The following CELA2A variants were observed in gnomAD, a reference collection of about 807,000 sequenced individuals.
The protein encoded by CELA2A is chymotrypsin like elastase 2A, also known as chymotrypsin-like elastase family member 2A.
A neutral mutation model predicts 35.3 loss-of-function variants in CELA2A; 31 were observed. The ratio of observed to expected loss-of-function variants is 0.88; its 90% CI spans 0.66 to 1.19. CELA2A has a LOEUF of 1.19. Among genes scored for constraint, CELA2A ranks in the 50% most tolerant of loss-of-function variants. The pLI is 0.00. For synonymous variants in CELA2A, 150 were observed against 149.8 expected (o/e 1.00, Z -0.01); for missense variants, 330 against 352.9 (o/e 0.94, Z 0.52).
At chr1:15,459,104 C>T (rs1708398382) in intron 2 of CELA2A, among the ~76,000 whole-genome samples, 1 of 151,680 alleles carries the variant, frequency 6.6e-6, no homozygotes, top group African/African-American at 2.4e-5. Flanking sequence ...CATCTACCTG[C>T]CTCAGCCTCC....
At chr1:15,470,533 C>A (rs1452894653) in intron 7 of CELA2A, among the ~76,000 whole-genome samples, 1 of 151,942 alleles carries the variant, frequency 6.6e-6, no homozygotes, top group Non-Finnish European at 1.5e-5. Context: ...AGTAAGAAGT[C>A]CCCCCTCATT....
At chr1:15,466,210 C>A in intron 6 of CELA2A, 66 bp downstream of exon 6, 1 of 1,531,868 alleles carries the variant, frequency 6.5e-7, no homozygotes. Context: ...CTATAGAGGT[C>A]CATCCCTCCA....
At chr1:15,457,229 C>T in intron 2 of CELA2A, 55 bp downstream of exon 2, 4 of 1,538,662 alleles carry the variant, frequency 2.6e-6, no homozygotes, top group Non-Finnish European at 3.6e-6. Context: ...CTTTACATCT[C>T]CCCTTTGCCC....
In CELA2A at chr1:15,467,441, A is replaced by G; in HGVS notation, c.695A>G (p.His232Arg). ...CQASDGRWQV[H>R]GIVSFGSRLG... The stretch of plus-strand genomic sequence containing the variant: ...GCGTCTGACGGCCGGTGGCAGGTGC[A>G]CGGCATCGTCAGCTTCGGGTCTCGC... Residue 232 changes from histidine to arginine, a missense_variant, in exon 7 of 8, where the codon CAC becomes CGC. By Grantham distance (29) the His-to-Arg change is conservative. Coordinates refer to ENST00000359621, the MANE Select transcript of CELA2A (RefSeq NM_033440.3). The G allele has an allele frequency of 6.2e-7, 1 of 1,614,048 alleles. No homozygotes were observed. The highest frequency in any genetic ancestry group is 8.5e-7 in the Non-Finnish European group (1 of 1,180,014).
rs1244240742 is a variant in CELA2A at position 15,461,644 on chromosome 1, T to C, written c.213T>C (p.Ala71=). 6.2e-7 allele frequency: 1 copy of C among 1,613,820 alleles called. No individual in the cohort carries two copies. Among genetic ancestry groups the C allele is most frequent in the Non-Finnish European group, 8.5e-7 (1 of 1,180,048 alleles). The part of the protein sequence containing the change: ...SLIANSWVLT[A]AHCISSSRTY... ...TAGCCAACAGCTGGGTCCTGACGGC[T>C]GCCCACTGCATCAGGTAACTGCCTT... The change falls in exon 3 of 8, where the codon GCT becomes GCC. Residue 71 remains alanine, a synonymous_variant. Transcript: ENST00000359621.
intron 2 of CELA2A, among the ~76,000 whole-genome samples, chr1:15,459,336 T>A (rs1708402583): frequency 1.0e-5 from 1 of 95,980 alleles, no homozygotes; most frequent in South Asian, 4.3e-4. Context: ...TTAAGTTTCT[T>A]TTTTTTTTTT....
At chr1:15,468,438 C>T (rs1708550683) in intron 7 of CELA2A, among the ~76,000 whole-genome samples, 1 of 152,196 alleles carries the variant, frequency 6.6e-6, no homozygotes, top group African/African-American at 2.4e-5. Context: ...TGTCTCCTTT[C>T]AGCTTCCACA....
At chr1:15,467,816 C>T (rs1708541763) in intron 7 of CELA2A, among the ~76,000 whole-genome samples, 1 of 152,132 alleles carries the variant, frequency 6.6e-6, no homozygotes, top group African/African-American at 2.4e-5. Flanking sequence ...CCGCTGGGCG[C>T]CGTGGCTCAT....
At chr1:15,470,430 C>G (rs1426573847) in intron 7 of CELA2A, among the ~76,000 whole-genome samples, 1 of 152,170 alleles carries the variant, frequency 6.6e-6, no homozygotes, top group Non-Finnish European at 1.5e-5. Context: ...CACATGTGAA[C>G]CTTCAGCAAT....
chr1:15,461,764 T>C lies in CELA2A; in HGVS notation c.227+106T>C, dbSNP rs772288206. Reference sequence around the variant, plus strand: ...ATGCTACATAAAGCAGCCTTGCAAATAACCACTATACTGGCTGAGACACAA... The same window carrying C: ...ATGCTACATAAAGCAGCCTTGCAAACAACCACTATACTGGCTGAGACACAA... On this transcript the variant is annotated intron_variant, in intron 3 of 7. Coordinates refer to ENST00000359621, the MANE Select transcript of CELA2A (RefSeq NM_033440.3). The C allele has an allele frequency of 3.0e-6, 4 of 1,318,646 alleles. No homozygotes were observed. In the South Asian group the frequency reaches 3.6e-5, roughly 12 times the overall value. The allele number at this position is 1,318,646 out of a possible 1,614,324, so 81.7% of individuals were successfully genotyped here.
intron 7 of CELA2A, among the ~76,000 whole-genome samples, chr1:15,468,519 A>G (rs1314002434): frequency 6.6e-6 from 1 of 152,206 alleles, no homozygotes; most frequent in Non-Finnish European, 1.5e-5. Context: ...TTTATTAAAA[A>G]TAATAGGCCA....
At chr1:15,464,780 T>C (rs913223124) in intron 5 of CELA2A, among the ~76,000 whole-genome samples, 16 of 151,778 alleles carry the variant, frequency 1.1e-4, no homozygotes, top group Non-Finnish European at 1.9e-4. Flanking sequence ...ACAGTGAGAG[T>C]GGGGAGGCCT....
chr1:15,467,205 A>G (rs1003676290), intron 6 of CELA2A, among the ~76,000 whole-genome samples, 181 bp from the exon 7 acceptor site: 1 of 152,222 alleles, frequency 6.6e-6, no homozygotes, highest in African/African-American at 2.4e-5. Context: ...CTCTGGCCAC[A>G]CAGGAAGAAT....
At chr1:15,468,091 T>TAA (rs35520894) in intron 7 of CELA2A, among the ~76,000 whole-genome samples, 33 of 86,384 alleles carry the variant, frequency 3.8e-4, no homozygotes, top group African/African-American at 6.5e-4. Flanking sequence ...AAACTCCATC[T>TAA]AAAAAAAAAA....
chr1:15,463,105 C>T, intron 4 of CELA2A: 2 of 717,506 alleles, frequency 2.8e-6, no homozygotes, highest in South Asian at 1.9e-5. Flanking sequence ...ACCTGCAGGG[C>T]CCCTGTCCGC....
At chr1:15,470,728 A>G (rs1708578972) in intron 7 of CELA2A, among the ~76,000 whole-genome samples, 1 of 152,072 alleles carries the variant, frequency 6.6e-6, no homozygotes, top group Non-Finnish European at 1.5e-5. Context: ...TTACAGGCAC[A>G]CACCACCATG....
At position 15,466,036 on chromosome 1, in the gene CELA2A, G is replaced by A. The variant is rs747840659; in HGVS notation, c.531G>A (p.Arg177=). 1.2e-5 allele frequency: 20 copies of A among 1,614,056 alleles called. No individual in the cohort carries two copies. Among genetic ancestry groups the A allele is most frequent in the African/African-American group, 4.0e-5 (3 of 74,926 alleles). Residue 177 remains arginine, a synonymous_variant, in exon 6 of 8, where the codon CGG becomes CGA. Transcript: ENST00000359621. ...GAVPDVLQQG[R]LLVVDYATCS... is the part of the protein sequence containing the mutation. ...TTCCTGATGTCCTGCAGCAGGGCCG[G>A]TTGCTGGTTGTGGACTATGCCACCT...
At chr1:15,459,387 C>A (rs1708403250) in intron 2 of CELA2A, among the ~76,000 whole-genome samples, 2 of 151,068 alleles carry the variant, frequency 1.3e-5, no homozygotes, top group African/African-American at 4.9e-5. Context: ...TGGTCTTGAA[C>A]TTCTGGGCTC....
intron 7 of CELA2A, 75 bp downstream of exon 7, chr1:15,467,613 G>A (rs1708538813): frequency 6.5e-7 from 1 of 1,539,912 alleles, no homozygotes; most frequent in Non-Finnish European, 8.9e-7. Context: ...TGCCCACCTG[G>A]TGACTGAGAA....
Sources: allele counts gnomAD v4.1 joint callset (sites outside exome capture counted in the v4.1 genomes callset), GRCh38; gene constraint gnomAD v4.1.1; transcripts MANE v1.5; gene names NCBI Gene and HGNC (gene_info 2026-07-23, HGNC 2026-07-21).